The following TECTB variants were observed in gnomAD, a reference collection of about 807,000 sequenced individuals.
TECTB encodes tectorin beta.
A neutral mutation model predicts 43.3 loss-of-function variants in TECTB; 45 were observed. That is an observed-to-expected ratio of 1.04 (90% CI 0.82 to 1.33). The LOEUF (loss-of-function observed/expected upper bound fraction) is 1.33. Among genes scored for constraint, TECTB ranks in the 40% most tolerant of loss-of-function variants. The probability of loss-of-function intolerance (pLI) is 0.00; values close to 1 mark genes in which losing one functional copy is unlikely to be tolerated. For missense variants in TECTB, 399 were observed against 404.7 expected (o/e 0.99, Z 0.12); for synonymous variants, 169 against 156.7 (o/e 1.08, Z -0.59).
Position 112,293,882 on chromosome 10 carries a change from GA to G in TECTB, c.587+49del, listed in dbSNP as rs763256480. 8.7e-6 allele frequency: 14 copies of G among 1,606,250 alleles called. No individual in the cohort carries two copies. In the South Asian group the frequency reaches 8.8e-5, roughly 10 times the overall value. ...CCAAGTTTATATGTTTAAATGCAAA[GA>G]AAAAAAAGACTAGCTGACATACTTT... On this transcript the variant is annotated intron_variant, in intron 6 of 10. Transcript: ENST00000646139.
intron 5 of TECTB, 29 bp downstream of exon 5, chr10:112,286,420 CCCTGTGGCCTTT>C (rs201513117): frequency 0.018 from 28,073 of 1,587,708 alleles, 311 homozygotes; most frequent in Non-Finnish European, 0.019. Flanking sequence ...CCCATTACTT[CCCTGTGGCCTTT>C]CCTTTCTAGG....
chr10:112,298,078 G>A lies in TECTB; in HGVS notation c.681G>A (p.Thr227=), dbSNP rs766708216. 2.0e-5 allele frequency: 32 copies of A among 1,614,044 alleles called. No individual in the cohort carries two copies. The highest frequency in any genetic ancestry group is 1.3e-4 in the East Asian group (6 of 44,892). The change falls in exon 8 of 11, where the codon ACG becomes ACA. Residue 227 remains threonine, a synonymous_variant. Transcript: ENST00000646139. ...QWQLINKGCP[T]DETVLVHENG... ...TCCCCATCTGCCTCAGCTGCCCCAC[G>A]GATGAAACCGTCCTCGTGCATGAGA... is the stretch of plus-strand genomic sequence containing the variant.
rs547891422 is a variant in TECTB at position 112,303,581 on chromosome 10, C to T, written c.*269C>T. The T allele has an allele frequency of 1.0e-5, 5 of 484,264 alleles. No individual in the cohort carries two copies. The highest frequency in any genetic ancestry group is 6.3e-5 in the East Asian group (2 of 31,556). The allele number at this position is 484,264 out of a possible 1,614,324, so 30.0% of individuals were successfully genotyped here. On this transcript the variant is annotated 3_prime_UTR_variant, in exon 11 of 11. Transcript: ENST00000646139. ...GAGCCTCCTTTCTCCATACTCAAGT[C>T]AGGGCTGCAGTAAATTCCTTTGAAA...
At chr10:112,284,952 A>G (rs559661859) in intron 3 of TECTB, among the ~76,000 whole-genome samples, 1 of 152,346 alleles carries the variant, frequency 6.6e-6, no homozygotes, top group Non-Finnish European at 1.5e-5. Context: ...ATTTGTTGCC[A>G]AAGCCAGTGA....
At chr10:112,289,369 G>C (rs1293658359) in intron 5 of TECTB, among the ~76,000 whole-genome samples, 1 of 152,142 alleles carries the variant, frequency 6.6e-6, no homozygotes, top group South Asian at 2.1e-4. Flanking sequence ...GCAAGCAATA[G>C]AGGCCAAAAT....
Position 112,293,830 on chromosome 10 carries a change from G to C in TECTB, c.576G>C (p.Gly192=). The C allele has an allele frequency of 1.2e-6, 2 of 1,614,032 alleles. No individual in the cohort carries two copies. The part of the protein sequence containing the change: ...SDLFAGVEAK[G]LSIRFKVVLN... ...TGTTTGCAGGAGTGGAAGCCAAAGG[G>C]TTAAGCATTAGGTAAGTACATTTCC... Residue 192 remains glycine (G), a synonymous_variant, in exon 6 of 11, where the codon GGG becomes GGC. Coordinates refer to ENST00000646139, the MANE Select transcript of TECTB (RefSeq NM_058222.3).
In TECTB at chr10:112,303,450, A is replaced by G. The variant is rs1459293864; in HGVS notation, c.*138A>G. ...GAGAATAGCACTTTGCCAAATATGC[A>G]CTCCAATAATTTCTGTGAATTTGGT... On this transcript the variant is annotated 3_prime_UTR_variant, in exon 11 of 11. Coordinates refer to ENST00000646139, the MANE Select transcript of TECTB (RefSeq NM_058222.3). 7 of 1,027,750 alleles carry G rather than the reference A, an allele frequency of 6.8e-6. No individual in the cohort carries two copies. Among genetic ancestry groups the G allele is most frequent in the Non-Finnish European group, 8.8e-6 (6 of 679,824 alleles). The allele number at this position is 1,027,750 out of a possible 1,614,324, so 63.7% of individuals were successfully genotyped here.
At chr10:112,292,221 G>A (rs1448938931) in intron 5 of TECTB, among the ~76,000 whole-genome samples, 14 of 151,976 alleles carry the variant, frequency 9.2e-5, no homozygotes, top group Non-Finnish European at 4.4e-5. Flanking sequence ...AAGACTCAGA[G>A]AATGGAGAAA....
Position 112,286,073 on chromosome 10 carries a change from C to T in TECTB, c.270C>T (p.Tyr90=). The T allele has an allele frequency of 6.2e-7, 1 of 1,614,060 alleles. No homozygotes were observed. Among genetic ancestry groups the T allele is most frequent in the Non-Finnish European group, 8.5e-7 (1 of 1,179,958 alleles). ...GACTGTCTCCTTTCTTTGTCCAGTA[C>T]AAGCCACCTATCTATCACTTCTACA... The part of the protein sequence containing the change: ...NKSYCGTQSE[Y]KPPIYHFYSH... Residue 90 remains tyrosine, a splice_region_variant and synonymous_variant, in exon 4 of 11, where the codon TAC becomes TAT. Coordinates refer to ENST00000646139, the MANE Select transcript of TECTB (RefSeq NM_058222.3).
At chr10:112,302,154 T>G in intron 10 of TECTB, 21 bp downstream of exon 10, 2 of 1,613,712 alleles carry the variant, frequency 1.2e-6, no homozygotes, top group South Asian at 1.1e-5. Context: ...GAGACACTTC[T>G]GGGATTTCGT....
At chr10:112,284,786 G>C in intron 3 of TECTB, 61 bp downstream of exon 3, 2 of 1,355,246 alleles carry the variant, frequency 1.5e-6, no homozygotes, top group Non-Finnish European at 1.9e-6. Flanking sequence ...CCAAGAATGA[G>C]ATGTCTGCCA....
chr10:112,302,982 A>G lies in TECTB; in HGVS notation c.941-281A>G, dbSNP rs547851216. ...ATGTAAATCAACTTTTAAAATTCCA[A>G]TCCTAGATTCTCATCGTTTTTAAGT... On this transcript the variant is annotated intron_variant, in intron 10 of 10. Coordinates refer to ENST00000646139, the MANE Select transcript of TECTB (RefSeq NM_058222.3). The G allele has an allele frequency of 3.8e-4, 170 of 443,942 alleles. 1 individual carries two copies. The East Asian group carries it at 4.5e-3, about 12-fold the overall frequency. The allele number at this position is 443,942 out of a possible 1,614,324, so 27.5% of individuals were successfully genotyped here.
chr10:112,301,476 G>A (rs1490286802), intron 9 of TECTB, among the ~76,000 whole-genome samples: 2 of 152,058 alleles, frequency 1.3e-5, no homozygotes, highest in Non-Finnish European at 2.9e-5. Flanking sequence ...TTAGAACACA[G>A]CAACACTCGT....
chr10:112,303,129 G>A, intron 10 of TECTB, 134 bp from the exon 11 acceptor site: 1 of 1,037,854 alleles, frequency 9.6e-7, no homozygotes, highest in Non-Finnish European at 1.5e-6. Context: ...GAATCCCCAA[G>A]GGATGAACAA....
chr10:112,300,485 C>T (rs1386480565), intron 9 of TECTB, among the ~76,000 whole-genome samples: 2 of 152,276 alleles, frequency 1.3e-5, no homozygotes, highest in East Asian at 3.9e-4. Context: ...CAAGCAGGCC[C>T]TGTCCTCAAG....
rs754919563 is a variant in TECTB at position 112,283,701 on chromosome 10, T to G, written c.-34T>G. On this transcript the variant is annotated 5_prime_UTR_variant, in exon 2 of 11. Transcript: ENST00000646139. ...CCGTAAACATTTGGCCAGCTTGGTT[T>G]GGATACCTGGCAGAGACCAGGTTCT... The G allele has an allele frequency of 1.2e-6, 2 of 1,611,310 alleles. No homozygotes were observed. Among genetic ancestry groups the G allele is most frequent in the South Asian group, 2.2e-5 (2 of 90,706 alleles).
Position 112,298,186 on chromosome 10 carries a change from CTG to C in TECTB, c.792_793del (p.Cys264Ter). ...CCAAACTCTCCAAGGTGTGGTTACA[CTG>C]TGAGACGTTCATCTGCGACAGTGAG... ...IPKLSKVWLHCETFICDSEKL... is the reference protein window; with the variant it reads ...IPKLSKVWLHXETFICDSEKL... On this transcript the variant is annotated frameshift_variant, in exon 8 of 11. Coordinates refer to ENST00000646139, the MANE Select transcript of TECTB (RefSeq NM_058222.3). LOFTEE classifies it high-confidence loss of function. 1.2e-6 allele frequency: 2 copies of C among 1,614,218 alleles called. No homozygotes were observed. The highest frequency in any genetic ancestry group is 2.2e-5 in the South Asian group (2 of 91,086).
chr10:112,297,429 A>G (rs1380065079), intron 7 of TECTB, among the ~76,000 whole-genome samples: 1 of 138,480 alleles, frequency 7.2e-6, no homozygotes, highest in African/African-American at 2.5e-5. Flanking sequence ...GGAAGAATAC[A>G]TAAAAATACA....
At chr10:112,289,916 A>G (rs1848483912) in intron 5 of TECTB, among the ~76,000 whole-genome samples, 1 of 151,992 alleles carries the variant, frequency 6.6e-6, no homozygotes, top group Non-Finnish European at 1.5e-5. Flanking sequence ...CACATGAACT[A>G]TTGTTAAGCC....
Sources: allele counts gnomAD v4.1 joint callset (sites outside exome capture counted in the v4.1 genomes callset), GRCh38; gene constraint gnomAD v4.1.1; transcripts MANE v1.5; gene names NCBI Gene and HGNC (gene_info 2026-07-23, HGNC 2026-07-21).